FAM184A: variants seen among roughly 807,000 people sequenced by gnomAD.
The protein encoded by FAM184A is protein FAM184A.
FAM184A carries 99 observed loss-of-function variants against 143.8 expected under a neutral mutation model. The observed-to-expected ratio is 0.69, with a 90% CI of 0.58 to 0.81. The LOEUF is 0.81. Ranked by LOEUF, FAM184A falls within the 40% of genes least tolerant of loss-of-function variation. FAM184A has a pLI of 0.00. For synonymous variants in FAM184A, 427 were observed against 446.4 expected (o/e 0.96, Z 0.55); for missense variants, 1,217 against 1,310.5 (o/e 0.93, Z 1.10).
At chr6:119,014,418 C>T (rs1279836469) in intron 5 of FAM184A, among the ~76,000 whole-genome samples, 1 of 152,178 alleles carries the variant, frequency 6.6e-6, no homozygotes, top group Non-Finnish European at 1.5e-5. Flanking sequence ...AGATACTTTG[C>T]TTTTTCTACT....
At chr6:118,991,210 C>G (rs887447114) in intron 9 of FAM184A, among the ~76,000 whole-genome samples, 6 of 150,638 alleles carry the variant, frequency 4.0e-5, no homozygotes, top group Middle Eastern at 3.2e-3. Context: ...GTCGCTCAGG[C>G]TGAGTGCAAT....
intron 1 of FAM184A, among the ~76,000 whole-genome samples, chr6:119,117,562 A>G (rs1789092544): frequency 1.3e-5 from 2 of 152,310 alleles, no homozygotes; most frequent in South Asian, 4.1e-4. Flanking sequence ...CAGAGGCCCC[A>G]TTGCTTTGAA....
intron 1 of FAM184A, among the ~76,000 whole-genome samples, chr6:119,104,633 T>C (rs772819608): frequency 2.0e-5 from 3 of 152,230 alleles, no homozygotes; most frequent in Non-Finnish European, 4.4e-5. Flanking sequence ...ACCAAGACTT[T>C]GATGATTACA....
In FAM184A at chr6:119,006,462, A is replaced by C. The variant is rs779436362; in HGVS notation, c.1800T>G (p.Ala600=). The change falls in exon 7 of 18, where the codon GCT becomes GCG. Residue 600 remains alanine (A), a synonymous_variant. Transcript: ENST00000338891. The stretch of plus-strand genomic sequence containing the variant: ...ATGAAATTACCTCCACATTTAATAG[A>C]GCATCCTTGGTCTCCTTTAGGCTGT... ...TKDSLKETKD[A]LLNVEGELEQ... is the part of the protein sequence containing the mutation. The C allele has an allele frequency of 1.9e-6, 3 of 1,610,508 alleles. No individual in the cohort carries two copies. The highest frequency in any genetic ancestry group is 2.2e-5 in the East Asian group (1 of 44,868).
intron 9 of FAM184A, among the ~76,000 whole-genome samples, chr6:119,001,842 T>C (rs987984667): frequency 1.3e-5 from 2 of 152,182 alleles, no homozygotes; most frequent in African/African-American, 4.8e-5. Flanking sequence ...CCCAGTAAAA[T>C]CTGTCCTTGT....
At chr6:119,052,933 T>C (rs961012249) in intron 1 of FAM184A, among the ~76,000 whole-genome samples, 2 of 152,266 alleles carry the variant, frequency 1.3e-5, no homozygotes, top group African/African-American at 2.4e-5. Context: ...TTGTAGGTAA[T>C]GTAGAACCAG....
rs1162354640 is a variant in FAM184A, at chr6:119,078,244, T to C, written c.56A>G (p.Lys19Arg). ...QQHYYGGSAA[K>R]FAPSPATAQL... ...TGCGGTGGCCGGCGAGGGCGCGAAT[T>C]TGGCCGCCGAGCCGCCGTAATAGTG... is the stretch of plus-strand genomic sequence containing the variant. Residue 19 changes from lysine to arginine, a missense_variant, in exon 1 of 18, where the codon AAA (lysine) becomes AGA (arginine). Transcript: ENST00000338891. This position sits in a 1 kb window ranked among gnomAD's most constrained non-coding sequence, Gnocchi z 5.5. The C allele has an allele frequency of 3.4e-5, 52 of 1,527,858 alleles. No homozygotes were observed. The highest frequency in any genetic ancestry group is 4.3e-5 in the Non-Finnish European group (49 of 1,141,248). 94.6% of individuals were successfully genotyped at this position (1,527,858 alleles called of 1,614,324 possible). A position where few individuals can be genotyped will look rare whatever the true frequency, so the allele number is the denominator to read the frequency against.
chr6:119,011,276 A>G (rs1173077297), intron 6 of FAM184A, 33 bp downstream of exon 6: 5 of 1,581,328 alleles, frequency 3.2e-6, no homozygotes, highest in Non-Finnish European at 4.3e-6. Context: ...ATTAAAATCT[A>G]TAACATAGGC....
At position 119,078,354 on chromosome 6, in the gene FAM184A, T is replaced by C. The variant is rs893979284; in HGVS notation, c.-55A>G. The C allele has an allele frequency of 7.3e-7, 1 of 1,373,312 alleles. No homozygotes were observed. Among genetic ancestry groups the C allele is most frequent in the Non-Finnish European group, 9.4e-7 (1 of 1,068,186 alleles). The allele number at this position is 1,373,312 out of a possible 1,614,324, so 85.1% of individuals were successfully genotyped here. ...GTCCCCGCGGGTGGAGGCAGGCCCG[T>C]GGAGCAACGACGCCCGGGAGGCAAG... is the stretch of plus-strand genomic sequence containing the variant. On this transcript the variant is annotated 5_prime_UTR_variant, in exon 1 of 18. Coordinates refer to ENST00000338891, the MANE Select transcript of FAM184A (RefSeq NM_024581.6). The surrounding 1 kb of genome is among the most constrained non-coding windows in gnomAD (Gnocchi z 5.5).
At chr6:119,086,174 TA>T (rs1414837775) in intron 1 of FAM184A, among the ~76,000 whole-genome samples, 1 of 152,184 alleles carries the variant, frequency 6.6e-6, no homozygotes, top group Admixed American at 6.5e-5. Context: ...AGAAACTAGT[TA>T]GGCAAGAAAT....
intron 1 of FAM184A, among the ~76,000 whole-genome samples, chr6:119,092,201 A>G (rs4946394): frequency 0.89 from 135,229 of 152,232 alleles, 60,159 homozygotes; most frequent in East Asian, 1. Flanking sequence ...GCAGTGGCAT[A>G]ACCATGGCTT....
At chr6:119,070,348 T>G (rs1053137071) in intron 1 of FAM184A, among the ~76,000 whole-genome samples, 1 of 152,180 alleles carries the variant, frequency 6.6e-6, no homozygotes, top group Non-Finnish European at 1.5e-5. Flanking sequence ...TCTAAAATTT[T>G]TGCTTGGTCT....
At chr6:119,049,351 G>A (rs943141840) in intron 1 of FAM184A, among the ~76,000 whole-genome samples, 3 of 152,226 alleles carry the variant, frequency 2.0e-5, no homozygotes, top group Non-Finnish European at 4.4e-5. Context: ...GGGAGGCTGA[G>A]GCAGGAGAAT....
At chr6:119,051,114 A>G (rs1786746477) in intron 1 of FAM184A, among the ~76,000 whole-genome samples, 1 of 149,154 alleles carries the variant, frequency 6.7e-6, no homozygotes, top group African/African-American at 2.5e-5. Flanking sequence ...CCTACATAAC[A>G]AACTCACACA....
intron 1 of FAM184A, among the ~76,000 whole-genome samples, chr6:119,071,471 C>T (rs1295798709): frequency 6.6e-6 from 1 of 152,130 alleles, no homozygotes; most frequent in African/African-American, 2.4e-5. Context: ...GCTGACAGCA[C>T]ACACAATAAA....
At chr6:118,993,169 T>C (rs934683974) in intron 9 of FAM184A, among the ~76,000 whole-genome samples, 5 of 152,228 alleles carry the variant, frequency 3.3e-5, no homozygotes, top group African/African-American at 1.2e-4. Flanking sequence ...AAATTTCTTG[T>C]TAATTTTTGA....
chr6:119,002,913 C>T lies in FAM184A; in HGVS notation c.2074G>A (p.Asp692Asn). Residue 692 changes from aspartate to asparagine, a missense_variant, in exon 9 of 18, where the codon GAT becomes AAT. By Grantham distance (23) the Asp-to-Asn change is conservative. Transcript: ENST00000338891. ...TTATTAATTACCTGGTTTAAGAGAT[C>T]TTCTACTTTCTTCTGCCATGAATCT... ...ARDSWQKKVE[D>N]LLNQISLLKQ... 1 of 1,610,496 alleles carries T rather than the reference C, an allele frequency of 6.2e-7. No individual in the cohort carries two copies. The highest frequency in any genetic ancestry group is 8.5e-7 in the Non-Finnish European group (1 of 1,178,962).
intron 5 of FAM184A, among the ~76,000 whole-genome samples, chr6:119,014,853 G>T (rs558469795): frequency 1.7e-3 from 265 of 152,266 alleles, no homozygotes; most frequent in African/African-American, 5.8e-3. Context: ...GAGGTCAGGA[G>T]TTCGAGACCA....
At chr6:119,023,916 A>C in intron 2 of FAM184A, 43 bp downstream of exon 2, 1 of 1,499,722 alleles carries the variant, frequency 6.7e-7, no homozygotes. Flanking sequence ...ATATTTTTAA[A>C]AGAAAAAAAA....
Sources: allele counts gnomAD v4.1 joint callset (sites outside exome capture counted in the v4.1 genomes callset), GRCh38; gene constraint gnomAD v4.1.1; non-coding constraint Gnocchi (gnomAD v3.1); transcripts MANE v1.5; gene names NCBI Gene and HGNC (gene_info 2026-07-23, HGNC 2026-07-21).